KHDRBS2: variants seen among roughly 807,000 people sequenced by gnomAD.
KHDRBS2 encodes the protein KH RNA binding domain containing, signal transduction associated 2.
Under a neutral mutation model 44.3 loss-of-function variants are expected in KHDRBS2, and 26 were observed. The observed-to-expected ratio is 0.59, with a 90% confidence interval of 0.43 to 0.81. The LOEUF (loss-of-function observed/expected upper bound fraction) is 0.81, where lower values mean the gene tolerates loss of function less well. Ranked by LOEUF, KHDRBS2 falls within the 40% of genes least tolerant of loss-of-function variation. KHDRBS2 has a pLI of 0.00. For synonymous variants in KHDRBS2, 194 were observed against 151.1 expected, an observed-to-expected ratio of 1.28 and a Z score of -2.08; for missense variants, 476 against 433.1, an observed-to-expected ratio of 1.10 and a Z score of -0.88.
At chr6:61,861,332 G>GT (rs1172268968) in intron 6 of KHDRBS2, among the ~76,000 whole-genome samples, 12 of 152,070 alleles carry the variant, frequency 7.9e-5, no homozygotes, top group African/African-American at 2.7e-4. Context: ...TTCTTCCAGG[G>GT]TTTTTATAGT....
intron 4 of KHDRBS2, among the ~76,000 whole-genome samples, chr6:61,932,349 C>T (rs146153553): frequency 3.3e-5 from 5 of 152,150 alleles, no homozygotes; most frequent in African/African-American, 1.2e-4. Context: ...AGTCACCTGG[C>T]GGTACAACAC....
At chr6:61,770,506 T>A (rs1217496560) in intron 6 of KHDRBS2, among the ~76,000 whole-genome samples, 3 of 152,092 alleles carry the variant, frequency 2.0e-5, no homozygotes, top group Non-Finnish European at 4.4e-5. Flanking sequence ...CTGATGGAGC[T>A]GAAAACCAAG....
At chr6:61,568,561 T>C in the KHDRBS2 span, among the ~76,000 whole-genome samples, 1 of 152,182 alleles carries the variant, frequency 6.6e-6, no homozygotes, top group Non-Finnish European at 1.5e-5. Context: ...CTGCAAATTC[T>C]ACAAGGCAGG....
chr6:61,749,169 T>C (rs1239149285), intron 6 of KHDRBS2, among the ~76,000 whole-genome samples: 8 of 151,764 alleles, frequency 5.3e-5, no homozygotes, highest in Admixed American at 4.6e-4. Context: ...CCCGCCACCA[T>C]GCCCGGCTAA....
chr6:62,139,778 A>G (rs1318039977), intron 2 of KHDRBS2, among the ~76,000 whole-genome samples: 2 of 152,138 alleles, frequency 1.3e-5, no homozygotes, highest in Admixed American at 6.5e-5. Flanking sequence ...ACTTGAGGTA[A>G]GTCAAACCAT....
At chr6:61,839,040 C>T (rs1451885935) in intron 6 of KHDRBS2, among the ~76,000 whole-genome samples, 2 of 152,026 alleles carry the variant, frequency 1.3e-5, no homozygotes, top group African/African-American at 2.4e-5. Flanking sequence ...TTCGCAGATA[C>T]CTTTCCTTTG....
rs570010028 is a variant in KHDRBS2 at position 62,252,012 on chromosome 6, C to T, written c.91+33846G>A. On this transcript the variant is annotated intron_variant, in intron 1 of 8. Coordinates refer to ENST00000281156, the MANE Select transcript of KHDRBS2 (RefSeq NM_152688.4). ...TTGTGAACATGAATGAATAGCTTCCCTAGGAGGAGGAGAAGATTCTTGGCA... is the reference window on the plus strand; with the variant it reads ...TTGTGAACATGAATGAATAGCTTCCTTAGGAGGAGGAGAAGATTCTTGGCA... Among the ~76,000 whole-genome samples, 605 of 151,724 alleles carry T rather than the reference C, an allele frequency of 4.0e-3. 1 individual carries two copies. Among genetic ancestry groups the T allele is most frequent in the Admixed American group, 5.0e-3 (76 of 15,210 alleles).
chr6:61,560,542 C>T, the KHDRBS2 span, among the ~76,000 whole-genome samples: 1 of 151,896 alleles, frequency 6.6e-6, no homozygotes, highest in Non-Finnish European at 1.5e-5. Context: ...TTCAAATATC[C>T]TGTTCTTAAG....
At chr6:61,553,388 C>G in the KHDRBS2 span, among the ~76,000 whole-genome samples, 1 of 152,046 alleles carries the variant, frequency 6.6e-6, no homozygotes, top group African/African-American at 2.4e-5. Context: ...CTTATCTGCC[C>G]TCTTTTTTCA....
chr6:61,654,500 G>A, the KHDRBS2 span, among the ~76,000 whole-genome samples: 2 of 151,624 alleles, frequency 1.3e-5, no homozygotes, highest in Non-Finnish European at 2.9e-5. Context: ...ATCCAGTATG[G>A]GCAAGTGACC....
At chr6:61,954,208 G>C (rs17351796) in intron 4 of KHDRBS2, among the ~76,000 whole-genome samples, 2 of 149,576 alleles carry the variant, frequency 1.3e-5, no homozygotes, top group Non-Finnish European at 3.0e-5. Context: ...TTTTTCTACA[G>C]TCTGATAACT....
intron 5 of KHDRBS2, among the ~76,000 whole-genome samples, chr6:61,900,193 C>G (rs1195444034): frequency 6.6e-6 from 1 of 151,834 alleles, no homozygotes; most frequent in African/African-American, 2.4e-5. Context: ...GAGAATTTAT[C>G]TTTCTTAACT....
intron 4 of KHDRBS2, among the ~76,000 whole-genome samples, chr6:61,955,299 T>C (rs1225792319): frequency 7.5e-5 from 11 of 146,362 alleles, no homozygotes; most frequent in Non-Finnish European, 1.7e-4. Context: ...TATGTATGTA[T>C]ACATATATAT....
In KHDRBS2 at chr6:62,217,839, T is replaced by A. The variant is rs1056121415; in HGVS notation, c.92-40527A>T. ...ATCCTGAAAGTTTATATAAGTGAAG[T>A]TTTTAAATTAATGATTGATTGACAC... On this transcript the variant is annotated intron_variant, in intron 1 of 8. Transcript: ENST00000281156. Among the ~76,000 whole-genome samples, 44 of 151,878 alleles carry A rather than the reference T, an allele frequency of 2.9e-4. 1 individual carries two copies. The highest frequency in any genetic ancestry group is 9.4e-4 in the African/African-American group (39 of 41,394).
chr6:61,844,537 T>C (rs1185272405), intron 6 of KHDRBS2, among the ~76,000 whole-genome samples: 1 of 152,168 alleles, frequency 6.6e-6, no homozygotes, highest in Non-Finnish European at 1.5e-5. Flanking sequence ...TTCTAGTACC[T>C]TTGTTGATAT....
At chr6:61,898,606 T>C (rs948833784) in intron 5 of KHDRBS2, among the ~76,000 whole-genome samples, 6 of 151,956 alleles carry the variant, frequency 3.9e-5, no homozygotes, top group South Asian at 2.1e-4. Context: ...GATGTCAAAA[T>C]GTGAAAAACA....
intron 3 of KHDRBS2, among the ~76,000 whole-genome samples, chr6:62,019,334 T>G (rs2127278305): frequency 6.6e-6 from 1 of 152,258 alleles, no homozygotes; most frequent in Non-Finnish European, 1.5e-5. Context: ...TTAAAAATGG[T>G]TTTTGGATTT....
intron 3 of KHDRBS2, among the ~76,000 whole-genome samples, chr6:62,022,543 A>C (rs1345659559): frequency 1.3e-5 from 2 of 151,740 alleles, no homozygotes; most frequent in Non-Finnish European, 3.0e-5. Context: ...AAAGACAACT[A>C]AGTTTATAAT....
At chr6:62,102,514 C>T (rs1442360515) in intron 2 of KHDRBS2, among the ~76,000 whole-genome samples, 2 of 152,182 alleles carry the variant, frequency 1.3e-5, no homozygotes, top group Admixed American at 6.5e-5. Context: ...AGGGCTGAAG[C>T]TCTTCTCTCC....
Sources: allele counts gnomAD v4.1 joint callset (sites outside exome capture counted in the v4.1 genomes callset), GRCh38; gene constraint gnomAD v4.1.1; transcripts MANE v1.5; gene names NCBI Gene and HGNC (gene_info 2026-07-23, HGNC 2026-07-21).